CFAP54: variants seen among roughly 807,000 people sequenced by gnomAD.
CFAP54 encodes cilia and flagella associated protein 54.
In CFAP54, 290 loss-of-function variants were observed where a neutral mutation model predicts 370.4. That is an observed-to-expected ratio of 0.78 (90% confidence interval 0.71 to 0.86). CFAP54 has a LOEUF of 0.86. Ranked by LOEUF, CFAP54 falls within the 40% of genes least tolerant of loss-of-function variation. The probability of loss-of-function intolerance (pLI) is 0.00; values close to 1 mark genes in which losing one functional copy is unlikely to be tolerated. For synonymous variants in CFAP54, 1,206 were observed against 1,236.5 expected (o/e 0.98, Z 0.52); for missense variants, 3,399 against 3,528.7 (o/e 0.96, Z 0.93).
At chr12:96,775,541 C>A (rs1483290475) in intron 60 of CFAP54, among the ~76,000 whole-genome samples, 1 of 152,078 alleles carries the variant, frequency 6.6e-6, no homozygotes, top group Non-Finnish European at 1.5e-5. Flanking sequence ...AATGTAAAAA[C>A]CATTTTTAGC....
At chr12:96,655,673 T>G (rs1256359425) in intron 36 of CFAP54, among the ~76,000 whole-genome samples, 1 of 152,126 alleles carries the variant, frequency 6.6e-6, no homozygotes, top group African/African-American at 2.4e-5. Flanking sequence ...TCTGATTTTT[T>G]TTAACAAAAA....
intron 45 of CFAP54, 74 bp from the exon 46 acceptor site, chr12:96,699,897 T>A: frequency 7.8e-7 from 1 of 1,274,144 alleles, no homozygotes; most frequent in Non-Finnish European, 1.1e-6. Flanking sequence ...AGTTGACGAT[T>A]TTCTCTATAC....
chr12:96,602,618 T>C (rs1956255573), intron 26 of CFAP54, among the ~76,000 whole-genome samples: 1 of 152,236 alleles, frequency 6.6e-6, no homozygotes, highest in Non-Finnish European at 1.5e-5. Context: ...TCTAAGGACT[T>C]GCTTTATGAA....
intron 63 of CFAP54, among the ~76,000 whole-genome samples, chr12:96,807,154 A>T (rs942507330): frequency 6.6e-6 from 1 of 152,194 alleles, no homozygotes; most frequent in Non-Finnish European, 1.5e-5. Flanking sequence ...ACTGAAAAGA[A>T]ACTAAGAGAA....
intron 26 of CFAP54, among the ~76,000 whole-genome samples, chr12:96,604,679 A>T (rs1040141515): frequency 2.6e-5 from 4 of 152,164 alleles, no homozygotes; most frequent in Admixed American, 2.6e-4. Context: ...AAGCCTCAGC[A>T]GTGGTGGATG....
rs1040081423 is a variant in CFAP54, at chr12:96,518,913, C to T, written c.799-15C>T. On this transcript the variant is annotated splice_polypyrimidine_tract_variant and intron_variant, in intron 5 of 67. Transcript: ENST00000524981. ...TCAAATGAAAACAAATCCAATGGTG[C>T]CCTTTATTTTGCAGGCCTTAGAGTA... is the stretch of plus-strand genomic sequence containing the variant. 9.3e-6 allele frequency: 14 copies of T among 1,510,302 alleles called. No individual in the cohort carries two copies. The highest frequency in any genetic ancestry group is 1.4e-5 in the African/African-American group (1 of 72,258). 93.6% of individuals were successfully genotyped at this position (1,510,302 alleles called of 1,614,324 possible). A position where few individuals can be genotyped will look rare whatever the true frequency, so the allele number is the denominator to read the frequency against.
At chr12:96,679,477 G>C in intron 39 of CFAP54, 123 bp from the exon 40 acceptor site, 1 of 980,966 alleles carries the variant, frequency 1.0e-6, no homozygotes, top group South Asian at 2.7e-5. Flanking sequence ...GCAGATCTGG[G>C]GGCTTTGAAT....
chr12:96,750,016 G>A (rs763554730), intron 55 of CFAP54, among the ~76,000 whole-genome samples: 1 of 152,142 alleles, frequency 6.6e-6, no homozygotes, highest in Non-Finnish European at 1.5e-5. Context: ...AGCAGCAAAG[G>A]CCAATATTCT....
intron 32 of CFAP54, among the ~76,000 whole-genome samples, chr12:96,634,054 T>TG: frequency 8.8e-6 from 1 of 113,394 alleles, no homozygotes; most frequent in African/African-American, 3.2e-5. Flanking sequence ...ATCTTTTTTT[T>TG]TTTTTTTTTT....
chr12:96,565,409 T>C (rs545479703), intron 19 of CFAP54, among the ~76,000 whole-genome samples: 8 of 152,186 alleles, frequency 5.3e-5, no homozygotes, highest in African/African-American at 1.2e-4. Context: ...AAAAAAAATT[T>C]TTTTTGGTAG....
At chr12:96,838,726 C>T (rs1320000670) in intron 66 of CFAP54, among the ~76,000 whole-genome samples, 1 of 152,126 alleles carries the variant, frequency 6.6e-6, no homozygotes, top group Non-Finnish European at 1.5e-5. Context: ...GGTGGGAACA[C>T]AAAGCTAACC....
At chr12:96,554,895 G>A in intron 17 of CFAP54, 93 bp downstream of exon 17, 1 of 1,221,452 alleles carries the variant, frequency 8.2e-7, no homozygotes, top group Non-Finnish European at 1.0e-6. Context: ...TGTTCTTGTT[G>A]ACTTAAGTTT....
intron 6 of CFAP54, among the ~76,000 whole-genome samples, chr12:96,520,230 T>G (rs1955289448): frequency 6.6e-6 from 1 of 152,170 alleles, no homozygotes; most frequent in South Asian, 2.1e-4. Context: ...CATTTCATTT[T>G]GATTGAGTAC....
chr12:96,819,770 C>G (rs920822164), intron 65 of CFAP54, among the ~76,000 whole-genome samples: 1 of 152,068 alleles, frequency 6.6e-6, no homozygotes, highest in Non-Finnish European at 1.5e-5. Flanking sequence ...TATGTTCATC[C>G]ATAGATTTTT....
At chr12:96,729,071 G>T (rs1190063882) in intron 50 of CFAP54, among the ~76,000 whole-genome samples, 1 of 152,174 alleles carries the variant, frequency 6.6e-6, no homozygotes, top group East Asian at 1.9e-4. Context: ...GCCATGTGAG[G>T]TGTCAGTCTG....
At chr12:96,796,872 CT>C (rs1282972671) in intron 63 of CFAP54, among the ~76,000 whole-genome samples, 11 of 151,866 alleles carry the variant, frequency 7.2e-5, no homozygotes, top group Non-Finnish European at 2.9e-5. Flanking sequence ...TCTTTTTCTA[CT>C]TTTTTGTGTT....
At chr12:96,792,748 G>C (rs558202502) in intron 63 of CFAP54, among the ~76,000 whole-genome samples, 36 of 151,972 alleles carry the variant, frequency 2.4e-4, no homozygotes, top group Non-Finnish European at 5.0e-4. Flanking sequence ...CATTATATAT[G>C]ATGCTTAACT....
chr12:96,623,664 C>T (rs1041591157), intron 27 of CFAP54, 103 bp from the exon 28 acceptor site: 5 of 617,554 alleles, frequency 8.1e-6, no homozygotes, highest in African/African-American at 3.7e-5. Flanking sequence ...GTTTTATCTA[C>T]CAAGTGTGAA....
intron 50 of CFAP54, among the ~76,000 whole-genome samples, chr12:96,735,923 T>C (rs1471663652): frequency 6.6e-6 from 1 of 152,162 alleles, no homozygotes; most frequent in Non-Finnish European, 1.5e-5. Context: ...GGAAATAGTC[T>C]TATGGCAGAA....
Sources: allele counts gnomAD v4.1 joint callset (sites outside exome capture counted in the v4.1 genomes callset), GRCh38; gene constraint gnomAD v4.1.1; transcripts MANE v1.5; gene names NCBI Gene and HGNC (gene_info 2026-07-23, HGNC 2026-07-21).